SMIM36: variants seen among roughly 807,000 people sequenced by gnomAD.
SMIM36 encodes small integral membrane protein 36.
chr17:55,452,344 G>C lies in SMIM36; in HGVS notation c.*532-2046C>G, dbSNP rs116658978. On this transcript the variant is annotated intron_variant, in intron 4 of 4. Transcript: ENST00000636752. ...GAAAATATCCAGTTGACTCCAGGCA[G>C]CAGTATGTGTGTATACACACAGTTT... 8.3e-3 allele frequency among the ~76,000 whole-genome samples: 1,257 copies of C among 152,294 alleles called. 16 individuals are homozygous for C. The highest frequency in any genetic ancestry group is 0.029 in the African/African-American group (1,191 of 41,562).
intron 3 of SMIM36, among the ~76,000 whole-genome samples, chr17:55,471,914 A>C (rs572432509): frequency 6.6e-6 from 1 of 152,286 alleles, no homozygotes; most frequent in African/African-American, 2.4e-5. Flanking sequence ...ATCACAGGCT[A>C]TGCTCCACTT....
rs1555622433 is a variant in SMIM36 at position 55,500,909 on chromosome 17, A to AAT, written c.*174+9968_*174+9969dup. ...TATATATTATAATATATTATATTATAATATATTATAATATATTATATTTTA... is the reference window on the plus strand; with the variant it reads ...TATATATTATAATATATTATATTATAATATATATTATAATATATTATATTTTA... On this transcript the variant is annotated intron_variant, in intron 1 of 4. Transcript: ENST00000636752. Among the ~76,000 whole-genome samples the AAT allele has an allele frequency of 9.2e-4, 13 of 14,150 alleles. 3 individuals carry two copies. Among genetic ancestry groups the AAT allele is most frequent in the South Asian group, 6.9e-3 (2 of 290 alleles). The allele number at this position is 14,150 out of a possible 152,430, so 9.3% of individuals were successfully genotyped here. A position where few individuals can be genotyped will look rare whatever the true frequency, so the allele number is the denominator to read the frequency against.
intron 4 of SMIM36, among the ~76,000 whole-genome samples, chr17:55,451,102 G>A (rs1196986126): frequency 1.3e-5 from 2 of 152,112 alleles, no homozygotes; most frequent in African/African-American, 4.8e-5. Context: ...GGTCAGGCTG[G>A]TCTCGAACTC....
At chr17:55,487,273 G>A (rs1055114801) in intron 1 of SMIM36, among the ~76,000 whole-genome samples, 1 of 152,166 alleles carries the variant, frequency 6.6e-6, no homozygotes, top group Admixed American at 6.5e-5. Flanking sequence ...AATGGGTGCA[G>A]CAAAACAACA....
intron 1 of SMIM36, among the ~76,000 whole-genome samples, chr17:55,507,978 T>C (rs1487866596): frequency 6.6e-6 from 1 of 152,146 alleles, no homozygotes; most frequent in Non-Finnish European, 1.5e-5. Flanking sequence ...GGAGAAACCC[T>C]GGGTTGGGCA....
chr17:55,481,900 T>C (rs1909527074), intron 1 of SMIM36, among the ~76,000 whole-genome samples: 1 of 152,188 alleles, frequency 6.6e-6, no homozygotes, highest in Non-Finnish European at 1.5e-5. Flanking sequence ...TTCCACTATG[T>C]TGCCCAGGCT....
At chr17:55,515,092 T>G (rs1039042858), upstream of SMIM36, among the ~76,000 whole-genome samples, 4 of 102,236 alleles carry the variant, frequency 3.9e-5, no homozygotes. Flanking sequence ...TAGTGTTTTT[T>G]TTTTTTTTTT....
At chr17:55,462,361 A>G (rs1909160863) in intron 4 of SMIM36, among the ~76,000 whole-genome samples, 1 of 152,220 alleles carries the variant, frequency 6.6e-6, no homozygotes, top group Admixed American at 6.5e-5. Context: ...CTGTAATCTC[A>G]GCACTTTGGG....
At chr17:55,475,102 C>A (rs1020474577) in intron 3 of SMIM36, among the ~76,000 whole-genome samples, 3 of 152,098 alleles carry the variant, frequency 2.0e-5, no homozygotes, top group South Asian at 2.1e-4. Flanking sequence ...ACTGCAGTCA[C>A]CCCCACTACT....
chr17:55,473,034 C>A (rs1909367840), intron 3 of SMIM36, among the ~76,000 whole-genome samples: 1 of 152,112 alleles, frequency 6.6e-6, no homozygotes, highest in Admixed American at 6.5e-5. Flanking sequence ...TTCTGAAAAC[C>A]TGCTCTACCA....
chr17:55,453,549 T>A (rs558526312), intron 4 of SMIM36, among the ~76,000 whole-genome samples: 1 of 152,334 alleles, frequency 6.6e-6, no homozygotes, highest in South Asian at 2.1e-4. Context: ...AGTGTATTTT[T>A]AAACTTTTTA....
chr17:55,511,235 G>A, exon 1 of SMIM36: 2 of 398,680 alleles, frequency 5.0e-6, no homozygotes, highest in African/African-American at 2.1e-5. Flanking sequence ...CAGTCGTATA[G>A]CACGCAGGAG....
intron 1 of SMIM36, among the ~76,000 whole-genome samples, chr17:55,499,601 G>A (rs1174585260): frequency 6.6e-6 from 1 of 152,158 alleles, no homozygotes; most frequent in Non-Finnish European, 1.5e-5. Context: ...CCTTGGAAGT[G>A]TTTGGTTTGG....
intron 4 of SMIM36, among the ~76,000 whole-genome samples, chr17:55,465,939 G>A (rs1909228572): frequency 6.6e-6 from 1 of 152,050 alleles, no homozygotes; most frequent in Non-Finnish European, 1.5e-5. Context: ...TGTTATAATG[G>A]GATTCCAGTA....
the SMIM36 span, among the ~76,000 whole-genome samples, chr17:55,531,587 G>A: frequency 6.6e-6 from 1 of 152,124 alleles, no homozygotes; most frequent in East Asian, 1.9e-4. Context: ...TTGATAAGGT[G>A]GACATGTTTT....
At chr17:55,518,570 C>T in the SMIM36 span, among the ~76,000 whole-genome samples, 1 of 152,012 alleles carries the variant, frequency 6.6e-6, no homozygotes, top group African/African-American at 2.4e-5. Flanking sequence ...AGAAAGAAAA[C>T]CCCTAAAAAT....
At chr17:55,460,913 T>G in intron 4 of SMIM36, among the ~76,000 whole-genome samples, 1 of 152,134 alleles carries the variant, frequency 6.6e-6, no homozygotes, top group East Asian at 1.9e-4. Context: ...ATGTAGGATT[T>G]AAGAATCCAT....
chr17:55,456,233 C>T (rs1256931104), intron 4 of SMIM36, among the ~76,000 whole-genome samples: 2 of 151,558 alleles, frequency 1.3e-5, no homozygotes, highest in Non-Finnish European at 2.9e-5. Flanking sequence ...TGCTTCTTCT[C>T]CTGTAATTGT....
chr17:55,489,292 C>A (rs959903780), intron 1 of SMIM36, among the ~76,000 whole-genome samples: 1 of 151,994 alleles, frequency 6.6e-6, no homozygotes, highest in Admixed American at 6.6e-5. Context: ...GCAGGAGAAT[C>A]GCTTGAACCT....
Sources: allele counts gnomAD v4.1 joint callset (sites outside exome capture counted in the v4.1 genomes callset), GRCh38; gene constraint gnomAD v4.1.1; transcripts MANE v1.5; gene names NCBI Gene and HGNC (gene_info 2026-07-23, HGNC 2026-07-21).